Variants in ZNRF3 observed in about 807,000 individuals in gnomAD.
The protein encoded by ZNRF3 is E3 ubiquitin-protein ligase ZNRF3.
ZNRF3 carries 23 observed loss-of-function variants against 72.5 expected under a neutral mutation model. The ratio of observed to expected loss-of-function variants is 0.32; its 90% CI spans 0.23 to 0.45. The LOEUF is 0.45. Among genes scored for constraint, ZNRF3 ranks in the 20% least tolerant of loss-of-function variants. The probability of loss-of-function intolerance (pLI) is 1.00; values close to 1 mark genes in which losing one functional copy is unlikely to be tolerated. For missense variants in ZNRF3, 1,169 were observed against 1,272.1 expected, an observed-to-expected ratio of 0.92 and a Z score of 1.23; for synonymous variants, 610 against 545.3, an observed-to-expected ratio of 1.12 and a Z score of -1.65.
At chr22:29,026,827 T>A (rs956505807) in intron 2 of ZNRF3, 1 of 152,200 alleles carries the variant, frequency 6.6e-6, no homozygotes, top group South Asian at 2.1e-4. Context: ...GGCTTTTGAT[T>A]GTGAGGGACC....
intron 2 of ZNRF3, among the ~76,000 whole-genome samples, chr22:29,021,707 C>T (rs1439381909): frequency 6.6e-6 from 1 of 151,986 alleles, no homozygotes; most frequent in Non-Finnish European, 1.5e-5. Context: ...AGGCTGGTCT[C>T]GAACTCCTGA....
At chr22:28,972,529 T>C (rs1216727618) in intron 1 of ZNRF3, among the ~76,000 whole-genome samples, 1 of 152,236 alleles carries the variant, frequency 6.6e-6, no homozygotes, top group Non-Finnish European at 1.5e-5. Context: ...GACATTCACA[T>C]TGTTTCCACT....
chr22:28,987,018 T>C (rs1424378211), intron 1 of ZNRF3, 58 bp from the exon 2 acceptor site: 9 of 1,571,222 alleles, frequency 5.7e-6, no homozygotes, highest in Non-Finnish European at 7.8e-6. Context: ...ATACACAATA[T>C]GAGTCAAGCA....
intron 1 of ZNRF3, among the ~76,000 whole-genome samples, chr22:28,889,046 C>T (rs992018361): frequency 2.6e-5 from 4 of 151,856 alleles, no homozygotes; most frequent in Admixed American, 6.6e-5. Context: ...ATCCGGGAGG[C>T]GGAGGTTGCA....
At chr22:28,943,113 A>G (rs2034977946) in intron 1 of ZNRF3, among the ~76,000 whole-genome samples, 1 of 152,256 alleles carries the variant, frequency 6.6e-6, no homozygotes, top group South Asian at 2.1e-4. Context: ...GAACAGTGCA[A>G]AACTACCAGG....
intron 3 of ZNRF3, 46 bp downstream of exon 3, chr22:29,042,615 G>A: frequency 6.4e-7 from 1 of 1,569,102 alleles, no homozygotes; most frequent in Non-Finnish European, 8.7e-7. Context: ...CCTGAGAAAG[G>A]CACTTCCTTT....
In ZNRF3 at chr22:29,049,962, A is replaced by G. The variant is rs758833950; in HGVS notation, c.1781A>G (p.Tyr594Cys). Residue 594 changes from tyrosine (Y) to cysteine (C), a missense_variant, in exon 8 of 9, where the codon TAT (tyrosine) becomes TGT (cysteine). Coordinates refer to ENST00000544604, the MANE Select transcript of ZNRF3 (RefSeq NM_001206998.2). This position sits in a 1 kb window ranked among gnomAD's most constrained non-coding sequence, Gnocchi z 5.2. Reference sequence around the variant, plus strand: ...TTCCGCAGCTCCCTCAGCAGCGACTATGACCCCTTCATCTACCGCAGCCGG... The same window carrying G: ...TTCCGCAGCTCCCTCAGCAGCGACTGTGACCCCTTCATCTACCGCAGCCGG... ...STFRSSLSSDYDPFIYRSRSP... is the reference protein window; with the variant it reads ...STFRSSLSSDCDPFIYRSRSP... The G allele has an allele frequency of 4.3e-6, 7 of 1,612,198 alleles. No individual in the cohort carries two copies. The East Asian group carries it at 1.3e-4, about 31-fold the overall frequency.
intron 1 of ZNRF3, among the ~76,000 whole-genome samples, chr22:28,911,402 T>G (rs557087694): frequency 6.6e-6 from 1 of 152,224 alleles, no homozygotes; most frequent in Non-Finnish European, 1.5e-5. Flanking sequence ...CAGCATGGTA[T>G]GTAATTGCAG....
At chr22:28,937,037 A>C (rs1255704536) in intron 1 of ZNRF3, among the ~76,000 whole-genome samples, 1 of 151,854 alleles carries the variant, frequency 6.6e-6, no homozygotes, top group Non-Finnish European at 1.5e-5. Context: ...TTCTTTTTAA[A>C]TTGTGCAAAT....
At chr22:28,969,746 C>T (rs887672253) in intron 1 of ZNRF3, among the ~76,000 whole-genome samples, 14 of 152,072 alleles carry the variant, frequency 9.2e-5, no homozygotes, top group African/African-American at 2.4e-4. Flanking sequence ...ATTGCTCTGG[C>T]TGCTGTATTT....
intron 1 of ZNRF3, among the ~76,000 whole-genome samples, chr22:28,977,142 C>T (rs2035689825): frequency 6.6e-6 from 1 of 151,980 alleles, no homozygotes. Flanking sequence ...AAAGTGATAC[C>T]CACTGGGGGA....
chr22:29,024,295 T>A (rs2036587142), intron 2 of ZNRF3, among the ~76,000 whole-genome samples: 1 of 151,866 alleles, frequency 6.6e-6, no homozygotes, highest in African/African-American at 2.4e-5. Flanking sequence ...TTTTTTTTTT[T>A]TTGCTTTCAA....
chr22:28,967,944 G>GA (rs969113979), intron 1 of ZNRF3, among the ~76,000 whole-genome samples: 2 of 143,164 alleles, frequency 1.4e-5, no homozygotes, highest in South Asian at 2.3e-4. Context: ...AAAAAAAAAA[G>GA]AAAAAAACAC....
At position 29,049,537 on chromosome 22, in the gene ZNRF3, T is replaced by C; in HGVS notation, c.1356T>C (p.Ser452=). ...ACCCCTTCCGCAGGCCCAAGTTGAGTGGCCGCAGCTTCTCCAAGGCAGCTT... is the reference window on the plus strand; with the variant it reads ...ACCCCTTCCGCAGGCCCAAGTTGAGCGGCCGCAGCTTCTCCAAGGCAGCTT... The part of the protein sequence containing the change: ...PAHPFRRPKL[S]GRSFSKAACF... Residue 452 remains serine, a synonymous_variant, in exon 8 of 9, where the codon AGT becomes AGC. Coordinates refer to ENST00000544604, the MANE Select transcript of ZNRF3 (RefSeq NM_001206998.2). The surrounding 1 kb of genome is among the most constrained non-coding windows in gnomAD (Gnocchi z 5.2). 1.9e-6 allele frequency: 3 copies of C among 1,603,992 alleles called. No individual in the cohort carries two copies. The highest frequency in any genetic ancestry group is 1.1e-5 in the South Asian group (1 of 90,590).
chr22:28,939,520 G>A (rs1435746579), intron 1 of ZNRF3, among the ~76,000 whole-genome samples: 2 of 151,908 alleles, frequency 1.3e-5, no homozygotes, highest in African/African-American at 2.4e-5. Context: ...GAAATCCCCC[G>A]GTCTTTTATC....
At chr22:28,924,315 G>T (rs2034563082) in intron 1 of ZNRF3, among the ~76,000 whole-genome samples, 2 of 152,188 alleles carry the variant, frequency 1.3e-5, no homozygotes, top group South Asian at 4.1e-4. Context: ...TTTCTGTTAA[G>T]AGTAATTTTT....
intron 2 of ZNRF3, chr22:29,018,136 T>TG: frequency 2.0e-6 from 1 of 492,188 alleles, no homozygotes; most frequent in African/African-American, 2.0e-5. Context: ...GTCTTGAACA[T>TG]TATAAGGAAT....
chr22:28,969,411 C>T (rs1274097768), intron 1 of ZNRF3, among the ~76,000 whole-genome samples: 1 of 151,964 alleles, frequency 6.6e-6, no homozygotes, highest in Non-Finnish European at 1.5e-5. Context: ...GAAACTGAAT[C>T]AAAAATAAAC....
chr22:28,945,334 G>A (rs910875779), intron 1 of ZNRF3, among the ~76,000 whole-genome samples: 1 of 152,124 alleles, frequency 6.6e-6, no homozygotes. Flanking sequence ...GATACTTAAT[G>A]TCAGGGGAAA....
Sources: gnomAD v4.1 joint callset for allele counts (sites outside exome capture counted in the v4.1 genomes callset) on GRCh38, gnomAD v4.1.1 for gene constraint, Gnocchi (gnomAD v3.1) non-coding constraint, MANE v1.5 for transcripts, NCBI Gene and HGNC (gene_info 2026-07-23, HGNC 2026-07-21) for gene names.